Variants in BAALC observed in about 807,000 individuals in gnomAD.
The protein encoded by BAALC is BAALC binder of MAP3K1 and KLF4.
A neutral mutation model predicts 15.5 loss-of-function variants in BAALC; 9 were observed. That is an observed-to-expected ratio of 0.58 (90% CI 0.35 to 1.02). The LOEUF is 1.02. BAALC is among the 50% of genes least tolerant of loss of function. The pLI is 0.02. For missense variants in BAALC, 201 were observed against 192.4 expected, an observed-to-expected ratio of 1.04 and a Z score of -0.27; for synonymous variants, 80 against 74.6, an observed-to-expected ratio of 1.07 and a Z score of -0.37.
chr8:103,151,973 C>T lies in BAALC; in HGVS notation c.160+10916C>T, dbSNP rs73701038. ...GCAGCTCCATTTGGATGAAGGTCTACTCTGCATCTCCATGGGCCCTCCCCA... is the reference window on the plus strand; with the variant it reads ...GCAGCTCCATTTGGATGAAGGTCTATTCTGCATCTCCATGGGCCCTCCCCA... On this transcript the variant is annotated intron_variant, in intron 1 of 2. Transcript: ENST00000309982. Among the ~76,000 whole-genome samples, 1,083 of 152,162 alleles carry T rather than the reference C, an allele frequency of 7.1e-3. 18 individuals are homozygous for T. The highest frequency in any genetic ancestry group is 0.025 in the African/African-American group (1,026 of 41,528).
At chr8:103,169,286 T>C (rs2129934865) in intron 1 of BAALC, among the ~76,000 whole-genome samples, 1 of 152,318 alleles carries the variant, frequency 6.6e-6, no homozygotes, top group East Asian at 1.9e-4. Context: ...TTCCTTTTCA[T>C]AGCATCTCAT....
intron 1 of BAALC, among the ~76,000 whole-genome samples, chr8:103,197,334 TA>T (rs201408435): frequency 8.0e-4 from 119 of 148,596 alleles, no homozygotes; most frequent in African/African-American, 2.4e-3. Flanking sequence ...TTCCTCTTCT[TA>T]AAAAAAAAAG....
chr8:103,175,114 A>G (rs1811579568), intron 1 of BAALC, among the ~76,000 whole-genome samples: 1 of 152,144 alleles, frequency 6.6e-6, no homozygotes, highest in Non-Finnish European at 1.5e-5. Flanking sequence ...TGCCCTAAAC[A>G]GTTGAAAGCC....
At chr8:103,209,841 G>T (rs1812413267) in intron 1 of BAALC, among the ~76,000 whole-genome samples, 1 of 152,200 alleles carries the variant, frequency 6.6e-6, no homozygotes, top group African/African-American at 2.4e-5. Flanking sequence ...ATTTGTAAAT[G>T]CTTGCAATCA....
intron 1 of BAALC, among the ~76,000 whole-genome samples, chr8:103,159,044 G>A (rs1400331264): frequency 2.0e-5 from 3 of 152,034 alleles, no homozygotes; most frequent in Non-Finnish European, 2.9e-5. Context: ...ACAAAATTTT[G>A]TCAATTTAAA....
chr8:103,145,356 C>T (rs1444146425), intron 1 of BAALC, among the ~76,000 whole-genome samples: 2 of 152,220 alleles, frequency 1.3e-5, no homozygotes, highest in Non-Finnish European at 2.9e-5. Context: ...ATGGCTGTCA[C>T]ATCTCTTACC....
intron 1 of BAALC, among the ~76,000 whole-genome samples, chr8:103,189,512 G>A (rs1286589878): frequency 2.6e-5 from 4 of 152,202 alleles, no homozygotes; most frequent in Non-Finnish European, 4.4e-5. Flanking sequence ...CAGCTGGGGG[G>A]AGAAAACTTG....
intron 1 of BAALC, among the ~76,000 whole-genome samples, chr8:103,199,027 T>C (rs906183120): frequency 6.6e-6 from 1 of 152,260 alleles, no homozygotes; most frequent in African/African-American, 2.4e-5. Context: ...ATAGTCTAGA[T>C]AAACCACAAT....
At chr8:103,188,497 G>A (rs1811895825) in intron 1 of BAALC, among the ~76,000 whole-genome samples, 1 of 152,162 alleles carries the variant, frequency 6.6e-6, no homozygotes, top group Non-Finnish European at 1.5e-5. Flanking sequence ...AACAGGCTGT[G>A]GTATTAGGTC....
chr8:103,201,223 T>C (rs1295462083), intron 1 of BAALC, among the ~76,000 whole-genome samples: 4 of 152,082 alleles, frequency 2.6e-5, no homozygotes, highest in African/African-American at 7.2e-5. Context: ...GAGGCCATGA[T>C]GGGCAGGGCC....
chr8:103,223,314 C>T (rs1332733732), intron 2 of BAALC, among the ~76,000 whole-genome samples: 2 of 146,538 alleles, frequency 1.4e-5, no homozygotes, highest in African/African-American at 4.9e-5. Flanking sequence ...CAAAACAAAA[C>T]AAAACAAACA....
intron 2 of BAALC, among the ~76,000 whole-genome samples, chr8:103,227,592 T>C (rs1163042823): frequency 1.3e-5 from 2 of 152,232 alleles, no homozygotes; most frequent in African/African-American, 4.8e-5. Flanking sequence ...ATTCTATGTT[T>C]CTTTTATCTT....
At chr8:103,179,722 C>A (rs996350516) in intron 1 of BAALC, among the ~76,000 whole-genome samples, 1 of 152,232 alleles carries the variant, frequency 6.6e-6, no homozygotes, top group East Asian at 1.9e-4. Flanking sequence ...CCAGGCCCTG[C>A]GCTGGGCTCA....
chr8:103,218,284 G>A (rs1812606635), intron 2 of BAALC, among the ~76,000 whole-genome samples: 1 of 152,000 alleles, frequency 6.6e-6, no homozygotes, highest in South Asian at 2.1e-4. Flanking sequence ...TCATAAATTG[G>A]AACTGACTGT....
intron 1 of BAALC, among the ~76,000 whole-genome samples, chr8:103,164,819 A>G (rs1006869511): frequency 2.0e-5 from 3 of 152,066 alleles, no homozygotes; most frequent in Admixed American, 6.5e-5. Flanking sequence ...TTTTCTTCTC[A>G]TTGCTATTTC....
rs1311453570 is a variant in BAALC, at chr8:103,140,760, C to T, written c.-138C>T. ...CGGCGGGCACCGCAGGAGCTCCGCGCGGCTGCAGCGCGGGCGGGAGCGGGG... is the reference window on the plus strand; with the variant it reads ...CGGCGGGCACCGCAGGAGCTCCGCGTGGCTGCAGCGCGGGCGGGAGCGGGG... On this transcript the variant is annotated 5_prime_UTR_variant, in exon 1 of 3. Coordinates refer to ENST00000309982, the MANE Select transcript of BAALC (RefSeq NM_024812.3). The surrounding 1 kb of genome is among the most constrained non-coding windows in gnomAD (Gnocchi z 4.2). 1.3e-5 allele frequency: 9 copies of T among 716,610 alleles called. No homozygotes were observed. Among genetic ancestry groups the T allele is most frequent in the African/African-American group, 3.8e-5 (2 of 52,208 alleles). 44.4% of individuals were successfully genotyped at this position (716,610 alleles called of 1,614,324 possible). A position where few individuals can be genotyped will look rare whatever the true frequency, so the allele number is the denominator to read the frequency against.
At chr8:103,165,287 T>G (rs928645530) in intron 1 of BAALC, among the ~76,000 whole-genome samples, 11 of 152,164 alleles carry the variant, frequency 7.2e-5, no homozygotes, top group Admixed American at 5.9e-4. Context: ...GCCATTGGCA[T>G]CTTGGGTGGG....
chr8:103,217,169 C>T (rs1348001523), intron 2 of BAALC, among the ~76,000 whole-genome samples: 2 of 152,228 alleles, frequency 1.3e-5, no homozygotes, highest in Non-Finnish European at 2.9e-5. Context: ...TGTGTTGTAA[C>T]TGTTTTCAAA....
At chr8:103,158,043 C>A (rs1811137216) in intron 1 of BAALC, among the ~76,000 whole-genome samples, 1 of 152,140 alleles carries the variant, frequency 6.6e-6, no homozygotes, top group South Asian at 2.1e-4. Context: ...GTTTTTCTCT[C>A]ATTGGTTTGT....
Sources: gnomAD v4.1 joint callset for allele counts (sites outside exome capture counted in the v4.1 genomes callset) on GRCh38, gnomAD v4.1.1 for gene constraint, Gnocchi (gnomAD v3.1) non-coding constraint, MANE v1.5 for transcripts, NCBI Gene and HGNC (gene_info 2026-07-23, HGNC 2026-07-21) for gene names.